Variants in VPS13C observed in about 807,000 individuals in gnomAD.
The protein encoded by VPS13C is intermembrane lipid transfer protein VPS13C.
In VPS13C, 358 loss-of-function variants were observed where a neutral mutation model predicts 456.8. The observed-to-expected ratio is 0.78, with a 90% CI of 0.72 to 0.86. VPS13C has a LOEUF of 0.86. Among genes scored for constraint, VPS13C ranks in the 40% least tolerant of loss-of-function variants. The pLI, the probability that VPS13C is intolerant of heterozygous loss-of-function variation, is 0.00. For missense variants in VPS13C, 4,818 were observed against 4,385.4 expected (o/e 1.10, Z -2.79); for synonymous variants, 1,578 against 1,486.7 (o/e 1.06, Z -1.41).
chr15:61,965,209 T>C (rs966514552), intron 30 of VPS13C, among the ~76,000 whole-genome samples: 4 of 151,926 alleles, frequency 2.6e-5, no homozygotes, highest in Non-Finnish European at 5.9e-5. Context: ...TATAAAATTA[T>C]AAGTCAAAAG....
chr15:61,997,422 T>C (rs1285406932), intron 16 of VPS13C, among the ~76,000 whole-genome samples: 1 of 152,148 alleles, frequency 6.6e-6, no homozygotes, highest in Non-Finnish European at 1.5e-5. Context: ...AAGAAATCCA[T>C]GTGCTGACCC....
rs550043735 is a variant in VPS13C, at chr15:61,972,822, A to T, written c.2618-58T>A. ...CAATGTACATTGAAAACTGCATGAA[A>T]CACTCAAATCTAAATCTCTAAAAAG... is the stretch of plus-strand genomic sequence containing the variant. On this transcript the variant is annotated intron_variant, in intron 26 of 84. Coordinates refer to ENST00000644861, the MANE Select transcript of VPS13C (RefSeq NM_020821.3). 8.0e-6 allele frequency: 12 copies of T among 1,495,928 alleles called. No homozygotes were observed. In the African/African-American group the frequency reaches 1.7e-4, roughly 21 times the overall value. 92.7% of individuals were successfully genotyped at this position (1,495,928 alleles called of 1,614,324 possible).
intron 82 of VPS13C, among the ~76,000 whole-genome samples, chr15:61,859,454 AGCT>A (rs1359779003): frequency 6.6e-6 from 1 of 152,190 alleles, no homozygotes; most frequent in African/African-American, 2.4e-5. Context: ...GAATCTTATG[AGCT>A]GCTACCTATG....
In VPS13C at chr15:61,945,843, GTT is replaced by G. The variant is rs2044585940; in HGVS notation, c.5018_5019del (p.Gln1673ProfsTer15). The G allele has an allele frequency of 3.1e-6, 5 of 1,611,966 alleles. No individual in the cohort carries two copies. The highest frequency in any genetic ancestry group is 4.2e-6 in the Non-Finnish European group (5 of 1,179,432). On this transcript the variant is annotated frameshift_variant, in exon 45 of 85. Transcript: ENST00000644861. LOFTEE classifies it high-confidence loss of function. ...SILGDEVFRFQLTLYPDATEG... is the reference protein window; with the variant it reads ...SILGDEVFRFXLTLYPDATEG... ...TCTGTGGCATCTGGATAAAGAGTCA[GTT>G]GGAACCTAAAGACTTCATCTCCCAA...
intron 1 of VPS13C, among the ~76,000 whole-genome samples, chr15:62,054,983 C>T (rs75013247): frequency 0.011 from 1,704 of 152,266 alleles, 30 homozygotes; most frequent in African/African-American, 0.039. Flanking sequence ...ATGTTTTGCC[C>T]AGGGTCCCAC....
chr15:61,875,943 T>G, intron 75 of VPS13C, 98 bp from the exon 76 acceptor site: 2 of 851,978 alleles, frequency 2.3e-6, no homozygotes, highest in Non-Finnish European at 3.5e-6. Context: ...AAATTAAGTT[T>G]GTGTTAAAAG....
At chr15:62,033,970 T>C (rs1018367609) in intron 4 of VPS13C, among the ~76,000 whole-genome samples, 1 of 151,492 alleles carries the variant, frequency 6.6e-6, no homozygotes, top group Admixed American at 6.6e-5. Flanking sequence ...TCAACAATCA[T>C]AAAATATATA....
At chr15:61,864,153 C>T (rs1228195312) in intron 81 of VPS13C, 1 of 231,164 alleles carries the variant, frequency 4.3e-6, no homozygotes, top group Non-Finnish European at 7.1e-6. Context: ...ATACGTTAAA[C>T]ATGCGTGGGG....
Position 61,867,040 on chromosome 15 carries a change from AAAT to A in VPS13C, c.10863+1616_10863+1618del. 1.1e-6 allele frequency: 1 copy of A among 913,400 alleles called. No individual in the cohort carries two copies. The highest frequency in any genetic ancestry group is 1.3e-6 in the Non-Finnish European group (1 of 764,018). 56.6% of individuals were successfully genotyped at this position (913,400 alleles called of 1,614,324 possible). A position where few individuals can be genotyped will look rare whatever the true frequency, so the allele number is the denominator to read the frequency against. ...AGAATTAAGAGGATACTAATTTCAA[AAAT>A]AATGATTATAATTATTTTTTCTCTA... On this transcript the variant is annotated intron_variant, in intron 81 of 84. Coordinates refer to ENST00000644861, the MANE Select transcript of VPS13C (RefSeq NM_020821.3). The surrounding 1 kb of genome is among the most constrained non-coding windows in gnomAD (Gnocchi z 5.0).
intron 66 of VPS13C, among the ~76,000 whole-genome samples, chr15:61,897,478 G>A (rs942393213): frequency 9.9e-5 from 15 of 152,266 alleles, no homozygotes; most frequent in African/African-American, 2.2e-4. Flanking sequence ...GAGCCGATGC[G>A]ATCAACTGGA....
At chr15:61,966,467 C>T (rs1365202807) in intron 29 of VPS13C, among the ~76,000 whole-genome samples, 2 of 151,774 alleles carry the variant, frequency 1.3e-5, no homozygotes, top group African/African-American at 4.8e-5. Flanking sequence ...TCCATAAAGT[C>T]GTCAGCAAGT....
rs2043528073 is a variant in VPS13C at position 61,918,022 on chromosome 15, G to A, written c.7760+114C>T. 4 of 1,069,752 alleles carry A rather than the reference G, an allele frequency of 3.7e-6. No individual in the cohort carries two copies. In the East Asian group the frequency reaches 1.1e-4, roughly 29 times the overall value. The allele number at this position is 1,069,752 out of a possible 1,614,324, so 66.3% of individuals were successfully genotyped here. On this transcript the variant is annotated intron_variant, in intron 59 of 84. Transcript: ENST00000644861. ...ATTTCTCAATGGAAGACTAAATTAT[G>A]TCTTAAAACTGGCTTTTACTGATCT...
Position 61,911,921 on chromosome 15 carries a change from T to C in VPS13C, c.8634A>G (p.Ser2878=). The change falls in exon 63 of 85, where the codon TCA becomes TCG. Residue 2878 remains serine, a synonymous_variant. Transcript: ENST00000644861. ...TCTCGCCAACTTCTAGTTCTAATGA[T>C]GACTTGTTTGCAATGGTACAAAAGG... is the stretch of plus-strand genomic sequence containing the variant. ...LTPFCTIANK[S]SLELEVGEIA... is the part of the protein sequence containing the mutation. 1.9e-6 allele frequency: 3 copies of C among 1,613,124 alleles called. No homozygotes were observed. The highest frequency in any genetic ancestry group is 2.5e-6 in the Non-Finnish European group (3 of 1,179,502).
intron 49 of VPS13C, among the ~76,000 whole-genome samples, chr15:61,931,721 C>T (rs1250684769): frequency 4.0e-5 from 6 of 151,766 alleles, no homozygotes; most frequent in Admixed American, 2.6e-4. Context: ...GGATTACAGG[C>T]GCCCACCACC....
At chr15:61,888,267 A>G (rs1340510201) in intron 67 of VPS13C, among the ~76,000 whole-genome samples, 1 of 152,198 alleles carries the variant, frequency 6.6e-6, no homozygotes, top group East Asian at 1.9e-4. Flanking sequence ...TGATGCAACC[A>G]CTTTGTAAGA....
At chr15:61,982,350 TTAAAA>T (rs1197202670) in intron 21 of VPS13C, 104 bp downstream of exon 21, 25 of 787,920 alleles carry the variant, frequency 3.2e-5, no homozygotes, top group Non-Finnish European at 4.5e-5. Context: ...CAGCCTGAGT[TTAAAA>T]TAAAGAAAAA....
chr15:62,046,316 A>C (rs192630552), intron 1 of VPS13C, among the ~76,000 whole-genome samples: 2 of 152,334 alleles, frequency 1.3e-5, no homozygotes, highest in African/African-American at 4.8e-5. Context: ...GGATATCATC[A>C]CTGTCCAGAT....
intron 38 of VPS13C, among the ~76,000 whole-genome samples, chr15:61,953,698 T>C (rs1327747712): frequency 6.6e-6 from 1 of 152,256 alleles, no homozygotes; most frequent in Non-Finnish European, 1.5e-5. Context: ...GCAATAAACA[T>C]ACATGTGCAT....
chr15:61,854,214 TTTC>T lies in VPS13C; in HGVS notation c.*240_*242del, dbSNP rs1893786374. On this transcript the variant is annotated 3_prime_UTR_variant, in exon 85 of 85. Transcript: ENST00000644861. The stretch of plus-strand genomic sequence containing the variant: ...ATTTCATTCTGAGTTTGAAGTGACG[TTTC>T]TTCAAGGGTCTGACCCATTTGGGTG... 1 of 516,550 alleles carries T rather than the reference TTTC, an allele frequency of 1.9e-6. No homozygotes were observed. The highest frequency in any genetic ancestry group is 2.9e-5 in the East Asian group (1 of 33,902). 32.0% of individuals were successfully genotyped at this position (516,550 alleles called of 1,614,324 possible).
Sources: gnomAD v4.1 joint callset for allele counts (sites outside exome capture counted in the v4.1 genomes callset) on GRCh38, gnomAD v4.1.1 for gene constraint, Gnocchi (gnomAD v3.1) non-coding constraint, MANE v1.5 for transcripts, NCBI Gene and HGNC (gene_info 2026-07-23, HGNC 2026-07-21) for gene names.